NEK11: variants seen among roughly 807,000 people sequenced by gnomAD.
The protein encoded by NEK11 is NIMA related kinase 11, also known as serine/threonine-protein kinase Nek11.
NEK11 carries 72 observed loss-of-function variants against 80.7 expected under a neutral mutation model. That is an observed-to-expected ratio of 0.89 (90% CI 0.74 to 1.08). The LOEUF (loss-of-function observed/expected upper bound fraction) is 1.08, where lower values mean the gene tolerates loss of function less well. NEK11 is among the 50% of genes least tolerant of loss of function. NEK11 has a pLI of 0.00. For missense variants in NEK11, 764 were observed against 763.6 expected, an observed-to-expected ratio of 1.00 and a Z score of -0.01; for synonymous variants, 251 against 260.7, an observed-to-expected ratio of 0.96 and a Z score of 0.36.
intron 14 of NEK11, among the ~76,000 whole-genome samples, chr3:131,188,082 A>G (rs991237114): frequency 2.0e-5 from 3 of 152,148 alleles, no homozygotes; most frequent in African/African-American, 7.2e-5. Flanking sequence ...CTGGGACTAG[A>G]GCTGGCCTGG....
chr3:131,332,834 A>C (rs143114003), intron 17 of NEK11, among the ~76,000 whole-genome samples: 2,142 of 152,340 alleles, frequency 0.014, 52 homozygotes, highest in African/African-American at 0.049. Flanking sequence ...AAGCCTCAGG[A>C]GCCGATGCAA....
At chr3:131,134,049 C>A in intron 7 of NEK11, 93 bp downstream of exon 7, 2 of 1,068,836 alleles carry the variant, frequency 1.9e-6, no homozygotes, top group Non-Finnish European at 2.6e-6. Context: ...CATACATTCA[C>A]TTTATCCCTT....
chr3:131,326,679 G>A (rs2096971813), intron 17 of NEK11, among the ~76,000 whole-genome samples: 1 of 152,150 alleles, frequency 6.6e-6, no homozygotes, highest in African/African-American at 2.4e-5. Flanking sequence ...GCCCTGTGCT[G>A]TAGAGGGGTA....
chr3:131,071,674 G>A (rs1195276755), intron 3 of NEK11, among the ~76,000 whole-genome samples: 1 of 151,802 alleles, frequency 6.6e-6, no homozygotes, highest in Non-Finnish European at 1.5e-5. Flanking sequence ...TTTTAGTTTT[G>A]AAATGTACTA....
chr3:131,344,719 T>A (rs76196266), intron 17 of NEK11, among the ~76,000 whole-genome samples: 3,141 of 152,258 alleles, frequency 0.021, 107 homozygotes, highest in African/African-American at 0.071. Flanking sequence ...CTTTTACTTA[T>A]GGCAGAAGGG....
chr3:131,186,401 C>T (rs1338936824), intron 14 of NEK11, among the ~76,000 whole-genome samples: 1 of 151,962 alleles, frequency 6.6e-6, no homozygotes, highest in Non-Finnish European at 1.5e-5. Flanking sequence ...TGTAGACAGC[C>T]CCCAGAATTA....
intron 4 of NEK11, among the ~76,000 whole-genome samples, chr3:131,089,791 A>T (rs1219089011): frequency 6.6e-6 from 1 of 151,794 alleles, no homozygotes. Context: ...AGTTGATGAT[A>T]ATAGGGATAT....
intron 4 of NEK11, among the ~76,000 whole-genome samples, chr3:131,094,716 G>A (rs1578172691): frequency 6.6e-6 from 1 of 152,140 alleles, no homozygotes; most frequent in Admixed American, 6.6e-5. Context: ...ATTCATTGAA[G>A]GTAGGAATTG....
intron 14 of NEK11, among the ~76,000 whole-genome samples, chr3:131,185,485 C>G (rs1024826136): frequency 2.0e-5 from 3 of 152,100 alleles, no homozygotes; most frequent in African/African-American, 7.2e-5. Flanking sequence ...CAAAGATTTC[C>G]CATAGAGGAA....
At chr3:131,208,081 G>A (rs149510768) in intron 14 of NEK11, among the ~76,000 whole-genome samples, 6,991 of 152,230 alleles carry the variant, frequency 0.046, 251 homozygotes, top group Non-Finnish European at 0.069. Context: ...TTTTCTTCTA[G>A]GGTTTTTATG....
At chr3:131,170,206 A>G (rs542859051) in intron 13 of NEK11, among the ~76,000 whole-genome samples, 15 of 152,356 alleles carry the variant, frequency 9.8e-5, no homozygotes, top group Non-Finnish European at 1.8e-4. Context: ...ACTAAGGGAA[A>G]AAGGCAAAAT....
At chr3:131,106,642 T>C (rs1293836227) in intron 4 of NEK11, among the ~76,000 whole-genome samples, 1 of 152,168 alleles carries the variant, frequency 6.6e-6, no homozygotes, top group Non-Finnish European at 1.5e-5. Flanking sequence ...TCCAAGATTA[T>C]GTCAACTTGA....
intron 7 of NEK11, among the ~76,000 whole-genome samples, chr3:131,150,581 C>G (rs2089455318): frequency 6.6e-6 from 1 of 151,812 alleles, no homozygotes; most frequent in Non-Finnish European, 1.5e-5. Context: ...TCTCTGTATT[C>G]CTATATTTAA....
intron 7 of NEK11, among the ~76,000 whole-genome samples, chr3:131,144,427 C>A (rs1022803185): frequency 9.9e-5 from 15 of 152,084 alleles, no homozygotes; most frequent in Non-Finnish European, 2.1e-4. Context: ...GATTTAAGAC[C>A]TGGGAGTCAA....
intron 14 of NEK11, among the ~76,000 whole-genome samples, chr3:131,212,338 C>T (rs1285143269): frequency 2.6e-5 from 4 of 152,184 alleles, no homozygotes; most frequent in African/African-American, 9.7e-5. Flanking sequence ...AATATTGCTG[C>T]CTGATCCTTC....
intron 16 of NEK11, among the ~76,000 whole-genome samples, chr3:131,273,027 C>CA (rs1424378594): frequency 2.6e-5 from 4 of 151,812 alleles, no homozygotes; most frequent in South Asian, 4.2e-4. Flanking sequence ...CTTTCCATTG[C>CA]AAAAAAAGCT....
intron 5 of NEK11, among the ~76,000 whole-genome samples, chr3:131,132,507 C>G (rs1235576230): frequency 6.6e-6 from 1 of 151,976 alleles, no homozygotes; most frequent in East Asian, 1.9e-4. Flanking sequence ...TAGTTGAAAG[C>G]ATATCACCGT....
At chr3:131,131,134 G>T (rs566909116) in intron 5 of NEK11, among the ~76,000 whole-genome samples, 3 of 152,166 alleles carry the variant, frequency 2.0e-5, no homozygotes, top group Non-Finnish European at 4.4e-5. Flanking sequence ...TAATATTTCA[G>T]TGAGGATTTT....
At chr3:131,343,218 T>C (rs1019147019) in intron 17 of NEK11, among the ~76,000 whole-genome samples, 5 of 152,134 alleles carry the variant, frequency 3.3e-5, no homozygotes, top group African/African-American at 7.2e-5. Flanking sequence ...CTAACAGGAA[T>C]GATCTAGTAG....
Sources: gnomAD v4.1 joint callset for allele counts (sites outside exome capture counted in the v4.1 genomes callset) on GRCh38, gnomAD v4.1.1 for gene constraint, MANE v1.5 for transcripts, NCBI Gene and HGNC (gene_info 2026-07-23, HGNC 2026-07-21) for gene names.